The following USH2A variants were observed in gnomAD, a reference collection of about 807,000 sequenced individuals.
USH2A encodes usherin, also known as Usher syndrome 2A (autosomal recessive, mild).
Under a neutral mutation model 538.9 loss-of-function variants are expected in USH2A, and 443 were observed. The observed-to-expected ratio is 0.82, with a 90% CI of 0.76 to 0.89. The LOEUF is 0.89. Among genes scored for constraint, USH2A ranks in the 40% least tolerant of loss-of-function variants. The probability of loss-of-function intolerance (pLI) is 0.00; values close to 1 mark genes in which losing one functional copy is unlikely to be tolerated. For missense variants in USH2A, 6,633 were observed against 6,324.8 expected (o/e 1.05, Z -1.65); for synonymous variants, 2,413 against 2,273.5 (o/e 1.06, Z -1.75).
At chr1:215,632,864 T>C (rs1405090852) in intron 70 of USH2A, among the ~76,000 whole-genome samples, 2 of 152,218 alleles carry the variant, frequency 1.3e-5, no homozygotes, top group African/African-American at 2.4e-5. Flanking sequence ...GACTATTCAC[T>C]GAACAGGAGC....
chr1:216,208,465 A>C (rs937953741), intron 15 of USH2A, among the ~76,000 whole-genome samples: 3 of 152,110 alleles, frequency 2.0e-5, no homozygotes, highest in African/African-American at 7.2e-5. Flanking sequence ...TTTATATGAA[A>C]TATCTACAGT....
intron 15 of USH2A, 25 bp downstream of exon 15, chr1:216,217,362 C>G (rs753997404): frequency 3.1e-6 from 5 of 1,611,764 alleles, no homozygotes; most frequent in Non-Finnish European, 4.2e-6. Flanking sequence ...CTTCACACAC[C>G]AGCACTGAAC....
At chr1:215,727,198 T>C (rs1363695173) in intron 61 of USH2A, among the ~76,000 whole-genome samples, 1 of 152,076 alleles carries the variant, frequency 6.6e-6, no homozygotes, top group African/African-American at 2.4e-5. Flanking sequence ...TAAATACATA[T>C]ATACACACAC....
intron 4 of USH2A, among the ~76,000 whole-genome samples, chr1:216,362,621 T>A (rs2809298): frequency 0.72 from 109,148 of 152,022 alleles, 39,643 homozygotes; most frequent in East Asian, 0.87. Flanking sequence ...ATTTATTTTT[T>A]GGAAATAATT....
At chr1:215,796,500 T>C (rs893123848) in intron 50 of USH2A, among the ~76,000 whole-genome samples, 1 of 152,142 alleles carries the variant, frequency 6.6e-6, no homozygotes, top group Non-Finnish European at 1.5e-5. Flanking sequence ...TGTTTTAGCG[T>C]GTCATGAACC....
chr1:216,046,006 G>GGTGTGTGTGTGTGTGT (rs59426829), intron 32 of USH2A, among the ~76,000 whole-genome samples: 13 of 137,758 alleles, frequency 9.4e-5, no homozygotes, highest in South Asian at 5.3e-4. Context: ...CTATTTATCT[G>GGTGTGTGTGTGTGTGT]GTGTGTGTGT....
At position 215,814,021 on chromosome 1, in the gene USH2A, A is replaced by T. The variant is rs1345523515; in HGVS notation, c.9571-117T>A. On this transcript the variant is annotated intron_variant, in intron 48 of 71. Transcript: ENST00000307340. ...GGCATAGAAGATCTGAGACCATATT[A>T]CTCATATTTCGTTGGTTTAAAAATG... The T allele has an allele frequency of 1.0e-5, 12 of 1,171,116 alleles. No individual in the cohort carries two copies. The African/African-American group carries it at 1.1e-4, about 10-fold the overall frequency. The allele number at this position is 1,171,116 out of a possible 1,614,324, so 72.5% of individuals were successfully genotyped here. A position where few individuals can be genotyped will look rare whatever the true frequency, so the allele number is the denominator to read the frequency against.
At chr1:216,189,588 A>T (rs2034673550) in intron 20 of USH2A, among the ~76,000 whole-genome samples, 1 of 152,034 alleles carries the variant, frequency 6.6e-6, no homozygotes, top group African/African-American at 2.4e-5. Flanking sequence ...TATACAAACC[A>T]TTTCTACTCA....
At chr1:216,317,318 CACTT>C (rs919241825) in intron 9 of USH2A, among the ~76,000 whole-genome samples, 8 of 152,090 alleles carry the variant, frequency 5.3e-5, no homozygotes, top group African/African-American at 1.4e-4. Flanking sequence ...TACGTATTCT[CACTT>C]ACAAGTGGGA....
chr1:215,956,674 T>C (rs1387638055), intron 37 of USH2A, among the ~76,000 whole-genome samples: 1 of 152,132 alleles, frequency 6.6e-6, no homozygotes, highest in Non-Finnish European at 1.5e-5. Flanking sequence ...ATTTCATCAT[T>C]ACATCGCCGC....
At chr1:215,775,491 C>T (rs1023945228) in intron 55 of USH2A, among the ~76,000 whole-genome samples, 1 of 152,024 alleles carries the variant, frequency 6.6e-6, no homozygotes, top group Non-Finnish European at 1.5e-5. Context: ...GTGATAGGTA[C>T]CAGGAACACA....
At chr1:215,997,932 T>TGA (rs745742540) in intron 34 of USH2A, among the ~76,000 whole-genome samples, 4 of 152,250 alleles carry the variant, frequency 2.6e-5, no homozygotes, top group Non-Finnish European at 4.4e-5. Flanking sequence ...AACCACTGTC[T>TGA]GATTGCCCTT....
chr1:215,949,536 A>G (rs528796613), intron 37 of USH2A, among the ~76,000 whole-genome samples: 1 of 152,080 alleles, frequency 6.6e-6, no homozygotes, highest in East Asian at 1.9e-4. Context: ...GTATTTTCTA[A>G]ATAATTAAGA....
At chr1:216,207,577 A>G (rs974602022) in intron 15 of USH2A, 146 bp from the exon 16 acceptor site, 75 of 1,073,870 alleles carry the variant, frequency 7.0e-5, no homozygotes, top group Non-Finnish European at 6.0e-5. Context: ...ATTAATAAAC[A>G]AAGGGTTCAT....
At position 216,007,764 on chromosome 1, in the gene USH2A, A is replaced by G. The variant is rs190318055; in HGVS notation, c.6326-7202T>C. On this transcript the variant is annotated intron_variant, in intron 32 of 71. Coordinates refer to ENST00000307340, the MANE Select transcript of USH2A (RefSeq NM_206933.4). The stretch of plus-strand genomic sequence containing the variant: ...AAAGCATCCTGGGTGGCCACACTCC[A>G]GATGCTAAGGAACTAGGTAAGACCC... 5.2e-3 allele frequency among the ~76,000 whole-genome samples: 800 copies of G among 152,392 alleles called. 8 individuals carry two copies. The highest frequency in any genetic ancestry group is 0.031 in the South Asian group (148 of 4,830).
In USH2A at chr1:216,048,538, T is replaced by A. The variant is rs764901257; in HGVS notation, c.6159A>T (p.Gln2053His). The A allele has an allele frequency of 6.2e-7, 1 of 1,613,790 alleles. No individual in the cohort carries two copies. The highest frequency in any genetic ancestry group is 8.5e-7 in the Non-Finnish European group (1 of 1,179,692). Residue 2053 changes from glutamine (Q) to histidine (H), a missense_variant, in exon 31 of 72, where the codon CAA becomes CAT. Transcript: ENST00000307340. The stretch of plus-strand genomic sequence containing the variant: ...AGACCTTTGAAATTACTTTACCTTC[T>A]TGTGGAGTAGAGATGTTCAATGCAT... ...SSHALNISTP[Q>H]EAPQEVQPPV... is the part of the protein sequence containing the mutation.
intron 32 of USH2A, among the ~76,000 whole-genome samples, chr1:216,008,041 T>A (rs984170440): frequency 3.3e-5 from 5 of 152,194 alleles, no homozygotes; most frequent in African/African-American, 1.2e-4. Flanking sequence ...CTAGGTACAA[T>A]TGAAATGTTT....
intron 36 of USH2A, among the ~76,000 whole-genome samples, chr1:215,967,229 C>T (rs1667368438): frequency 6.6e-6 from 1 of 152,162 alleles, no homozygotes; most frequent in Admixed American, 6.5e-5. Flanking sequence ...AGTGCAGTGG[C>T]ACAATCTCGG....
intron 11 of USH2A, among the ~76,000 whole-genome samples, chr1:216,281,678 A>G (rs547753939): frequency 6.6e-6 from 1 of 152,274 alleles, no homozygotes; most frequent in South Asian, 2.1e-4. Flanking sequence ...ATTCACCAAT[A>G]AGATTTTATG....
Sources: gnomAD v4.1 joint callset for allele counts (sites outside exome capture counted in the v4.1 genomes callset) on GRCh38, gnomAD v4.1.1 for gene constraint, MANE v1.5 for transcripts, NCBI Gene and HGNC (gene_info 2026-07-23, HGNC 2026-07-21) for gene names.